TXNDC16: variants seen among roughly 807,000 people sequenced by gnomAD.
TXNDC16 encodes the protein thioredoxin domain containing 16.
In TXNDC16, 74 loss-of-function variants were observed where a neutral mutation model predicts 85.6. The observed-to-expected ratio is 0.86, with a 90% CI of 0.72 to 1.05. TXNDC16 has a LOEUF of 1.05. Among genes scored for constraint, TXNDC16 ranks in the 50% least tolerant of loss-of-function variants. The probability of loss-of-function intolerance (pLI) is 0.00; values close to 1 mark genes in which losing one functional copy is unlikely to be tolerated. For synonymous variants in TXNDC16, 335 were observed against 326.5 expected (o/e 1.03, Z -0.28); for missense variants, 959 against 947.0 (o/e 1.01, Z -0.17).
chr14:52,530,091 T>C (rs1393365448), intron 6 of TXNDC16, among the ~76,000 whole-genome samples: 1 of 97,900 alleles, frequency 1.0e-5, no homozygotes, highest in Non-Finnish European at 1.8e-5. Flanking sequence ...ATTATGCATT[T>C]ATATATTATA....
intron 6 of TXNDC16, among the ~76,000 whole-genome samples, chr14:52,532,582 G>A (rs1263331732): frequency 1.3e-5 from 2 of 151,820 alleles, no homozygotes; most frequent in Non-Finnish European, 2.9e-5. Context: ...GACTACAGGC[G>A]CCCGCCACCA....
At chr14:52,497,075 T>C (rs991591768) in intron 9 of TXNDC16, among the ~76,000 whole-genome samples, 23 of 152,098 alleles carry the variant, frequency 1.5e-4, no homozygotes, top group African/African-American at 5.6e-4. Flanking sequence ...GACAGAAACA[T>C]TCTTGCATTG....
rs760254414 is a variant in TXNDC16, at chr14:52,455,460, G to T, written c.1706C>A (p.Ser569Ter). 1 of 1,612,914 alleles carries T rather than the reference G, an allele frequency of 6.2e-7. No homozygotes were observed. Among genetic ancestry groups the T allele is most frequent in the South Asian group, 1.1e-5 (1 of 90,724 alleles). The change falls in exon 18 of 21, where the codon TCA (serine) becomes TAA (stop). Residue 569 changes from serine to a stop codon, truncating the protein, a stop_gained and splice_region_variant. Transcript: ENST00000281741. LOFTEE classifies it high-confidence loss of function. ...IYSEEDVLLL[S>*]TKYAASLPAL... ...TGGAAGACTTGCAGCATATTTGGTT[G>T]ACCTATGGAGAAAGGCAGTATTAAA...
At chr14:52,504,375 G>T (rs1259969591) in intron 9 of TXNDC16, among the ~76,000 whole-genome samples, 1 of 152,340 alleles carries the variant, frequency 6.6e-6, no homozygotes, top group East Asian at 1.9e-4. Context: ...TGATCTCTCA[G>T]CAGAAACTCT....
chr14:52,539,995 G>A (rs531775160), intron 4 of TXNDC16, among the ~76,000 whole-genome samples: 44 of 152,034 alleles, frequency 2.9e-4, no homozygotes, highest in Non-Finnish European at 5.9e-4. Flanking sequence ...TGCTATAATT[G>A]CTCACATATT....
At chr14:52,470,285 C>A in intron 15 of TXNDC16, 112 bp from the exon 16 acceptor site, 2 of 929,502 alleles carry the variant, frequency 2.2e-6, no homozygotes, top group Non-Finnish European at 3.1e-6. Context: ...TAATATCTTA[C>A]AAAATATAGA....
At chr14:52,514,783 A>G (rs1366078561) in intron 8 of TXNDC16, 97 bp downstream of exon 8, 2 of 849,118 alleles carry the variant, frequency 2.4e-6, no homozygotes, top group Non-Finnish European at 3.7e-6. Flanking sequence ...ATCTAAGCCC[A>G]TGCTGTGGGA....
At chr14:52,442,263 C>T (rs915804195) in intron 18 of TXNDC16, among the ~76,000 whole-genome samples, 36 of 152,278 alleles carry the variant, frequency 2.4e-4, no homozygotes, top group African/African-American at 7.7e-4. Context: ...TCTGGATACA[C>T]CTGCGAGCTA....
intron 8 of TXNDC16, among the ~76,000 whole-genome samples, chr14:52,514,141 C>T (rs1445790858): frequency 6.6e-6 from 1 of 152,150 alleles, no homozygotes; most frequent in East Asian, 1.9e-4. Flanking sequence ...CCTCAAAAGT[C>T]ATTTCACCTT....
At chr14:52,466,371 T>A (rs2035773443) in intron 16 of TXNDC16, among the ~76,000 whole-genome samples, 1 of 106,648 alleles carries the variant, frequency 9.4e-6, no homozygotes, top group Non-Finnish European at 1.7e-5. Flanking sequence ...CCAACCCGGA[T>A]GACAGAACAA....
At chr14:52,480,977 A>ATATATATATATATATATATATATATG (rs2036135943) in intron 14 of TXNDC16, among the ~76,000 whole-genome samples, 1 of 14,426 alleles carries the variant, frequency 6.9e-5, no homozygotes, top group African/African-American at 5.2e-4. Flanking sequence ...ATATATATGT[A>ATATATATATATATATATATATATATG]TATATATATA....
intron 19 of TXNDC16, 147 bp from the exon 20 acceptor site, chr14:52,439,541 C>T (rs28475854): frequency 0.13 from 89,052 of 692,214 alleles, 6,335 homozygotes; most frequent in Non-Finnish European, 0.14. Flanking sequence ...AAGAAGTCTA[C>T]GACATGTTAT....
chr14:52,483,530 G>T (rs2036197321), intron 12 of TXNDC16, among the ~76,000 whole-genome samples: 1 of 152,204 alleles, frequency 6.6e-6, no homozygotes, highest in African/African-American at 2.4e-5. Flanking sequence ...AGACATAAAA[G>T]AGTTGAGCAC....
At chr14:52,545,073 C>T (rs2037914803) in intron 1 of TXNDC16, among the ~76,000 whole-genome samples, 1 of 152,098 alleles carries the variant, frequency 6.6e-6, no homozygotes, top group Non-Finnish European at 1.5e-5. Flanking sequence ...ACATTCATTA[C>T]TATATATGAA....
chr14:52,542,816 T>C (rs1303064037), intron 3 of TXNDC16, among the ~76,000 whole-genome samples: 1 of 152,148 alleles, frequency 6.6e-6, no homozygotes, highest in East Asian at 1.9e-4. Context: ...CATTTTCTAA[T>C]CACAATTATA....
intron 18 of TXNDC16, among the ~76,000 whole-genome samples, chr14:52,450,570 C>T (rs2035384275): frequency 6.6e-6 from 1 of 151,718 alleles, no homozygotes; most frequent in Non-Finnish European, 1.5e-5. Flanking sequence ...AATGCAATTC[C>T]ACCTTACTCC....
intron 6 of TXNDC16, among the ~76,000 whole-genome samples, chr14:52,534,371 A>C (rs2037651694): frequency 6.6e-6 from 1 of 152,136 alleles, no homozygotes; most frequent in Admixed American, 6.5e-5. Flanking sequence ...CCCAACACAA[A>C]TTCGTAAACT....
chr14:52,528,347 T>C (rs553288178), intron 6 of TXNDC16, among the ~76,000 whole-genome samples: 42 of 152,268 alleles, frequency 2.8e-4, no homozygotes, highest in Middle Eastern at 6.8e-3. Flanking sequence ...TTTTAGTTCA[T>C]AGACAAGTAT....
At chr14:52,469,940 T>C (rs2035864241) in intron 16 of TXNDC16, 97 bp downstream of exon 16, 2 of 1,199,440 alleles carry the variant, frequency 1.7e-6, no homozygotes, top group Non-Finnish European at 2.3e-6. Context: ...TCCATAATTT[T>C]GAAATTCTCT....
Sources: gnomAD v4.1 joint callset for allele counts (sites outside exome capture counted in the v4.1 genomes callset) on GRCh38, gnomAD v4.1.1 for gene constraint, MANE v1.5 for transcripts, NCBI Gene and HGNC (gene_info 2026-07-23, HGNC 2026-07-21) for gene names.